SPMIP2: variants seen among roughly 807,000 people sequenced by gnomAD.
SPMIP2 encodes the protein protein SPMIP2.
At chr4:159,054,423 G>C in the SPMIP2 span, among the ~76,000 whole-genome samples, 1 of 152,016 alleles carries the variant, frequency 6.6e-6, no homozygotes, top group Non-Finnish European at 1.5e-5. Flanking sequence ...TAACTCCTAG[G>C]ATTTCTGAGA....
At chr4:158,993,499 T>A in the SPMIP2 span, among the ~76,000 whole-genome samples, 1 of 152,198 alleles carries the variant, frequency 6.6e-6, no homozygotes, top group African/African-American at 2.4e-5. Context: ...TAAATTTCTA[T>A]TTTCATGCTA....
At chr4:159,007,427 C>T in the SPMIP2 span, 3 of 671,050 alleles carry the variant, frequency 4.5e-6, no homozygotes, top group Non-Finnish European at 8.4e-6. Context: ...CCTGTTCCTG[C>T]TTGCCCTGGT....
At chr4:158,942,421 T>A in the SPMIP2 span, among the ~76,000 whole-genome samples, 1 of 152,170 alleles carries the variant, frequency 6.6e-6, no homozygotes, top group Non-Finnish European at 1.5e-5. Flanking sequence ...TTGCACTCAG[T>A]TGTTAAACTG....
At chr4:159,076,568 A>T in the SPMIP2 span, among the ~76,000 whole-genome samples, 1 of 152,278 alleles carries the variant, frequency 6.6e-6, no homozygotes, top group African/African-American at 2.4e-5. Context: ...ACAATTTAAA[A>T]TATAGGAAAA....
At chr4:159,055,524 C>T in the SPMIP2 span, among the ~76,000 whole-genome samples, 1 of 151,884 alleles carries the variant, frequency 6.6e-6, no homozygotes, top group Non-Finnish European at 1.5e-5. Context: ...CCTGGGCAAC[C>T]GGGCAAAACC....
chr4:159,018,005 G>A, the SPMIP2 span, among the ~76,000 whole-genome samples: 4 of 152,178 alleles, frequency 2.6e-5, no homozygotes, highest in South Asian at 2.1e-4. Flanking sequence ...AAACTTGTCC[G>A]CCAAGCTGGA....
chr4:159,072,872 A>G, the SPMIP2 span, among the ~76,000 whole-genome samples: 2 of 152,346 alleles, frequency 1.3e-5, no homozygotes, highest in African/African-American at 4.8e-5. Context: ...ATAACAAAAC[A>G]TGGTGAATTA....
the SPMIP2 span, among the ~76,000 whole-genome samples, chr4:158,899,450 G>A: frequency 6.6e-6 from 1 of 152,154 alleles, no homozygotes; most frequent in African/African-American, 2.4e-5. Context: ...GTACACTCTG[G>A]TAGAATTTGG....
the SPMIP2 span, among the ~76,000 whole-genome samples, chr4:159,033,748 G>C: frequency 1.0e-3 from 158 of 152,274 alleles, no homozygotes; most frequent in African/African-American, 3.6e-3. Flanking sequence ...AAGGGGAGTG[G>C]ATGAGATGGA....
chr4:159,036,426 A>G, the SPMIP2 span, among the ~76,000 whole-genome samples: 1 of 152,168 alleles, frequency 6.6e-6, no homozygotes, highest in Non-Finnish European at 1.5e-5. Flanking sequence ...AGCCTATGTC[A>G]GGTACTGAAT....
At chr4:158,901,660 C>T in the SPMIP2 span, among the ~76,000 whole-genome samples, 2 of 152,006 alleles carry the variant, frequency 1.3e-5, no homozygotes, top group Non-Finnish European at 2.9e-5. Flanking sequence ...CACATAGTCT[C>T]ATATTTCTTG....
At chr4:159,057,187 T>C in the SPMIP2 span, among the ~76,000 whole-genome samples, 3 of 152,224 alleles carry the variant, frequency 2.0e-5, no homozygotes, top group African/African-American at 4.8e-5. Context: ...ATCATTAAAA[T>C]GATCAGTTTT....
the SPMIP2 span, among the ~76,000 whole-genome samples, chr4:159,081,211 G>A: frequency 1.3e-5 from 2 of 151,468 alleles, no homozygotes; most frequent in Admixed American, 1.3e-4. Flanking sequence ...CTAATTTTTT[G>A]TATTTTTAGT....
the SPMIP2 span, among the ~76,000 whole-genome samples, chr4:159,063,745 A>G: frequency 6.6e-6 from 1 of 152,150 alleles, no homozygotes; most frequent in Non-Finnish European, 1.5e-5. Flanking sequence ...ATCACTATAT[A>G]TTATTAATGA....
chr4:159,069,544 C>T, the SPMIP2 span, among the ~76,000 whole-genome samples: 1 of 151,412 alleles, frequency 6.6e-6, no homozygotes, highest in Non-Finnish European at 1.5e-5. Context: ...AAGAAATCCT[C>T]CTACCTCAGC....
the SPMIP2 span, among the ~76,000 whole-genome samples, chr4:158,922,517 A>C: frequency 6.6e-6 from 1 of 152,364 alleles, no homozygotes; most frequent in East Asian, 1.9e-4. Context: ...CTGCTGATTA[A>C]ATAAATTGAT....
chr4:158,941,972 A>C, the SPMIP2 span, among the ~76,000 whole-genome samples: 2 of 152,154 alleles, frequency 1.3e-5, no homozygotes, highest in Admixed American at 1.3e-4. Flanking sequence ...AGCTGCAAAG[A>C]GTGACTTTGG....
chr4:159,003,886 T>C, the SPMIP2 span, among the ~76,000 whole-genome samples: 2 of 152,198 alleles, frequency 1.3e-5, no homozygotes, highest in Admixed American at 6.5e-5. Context: ...GCTCTGTGAA[T>C]GCTGATAGGG....
chr4:158,924,810 T>C, the SPMIP2 span, among the ~76,000 whole-genome samples: 4 of 152,230 alleles, frequency 2.6e-5, no homozygotes, highest in Admixed American at 1.3e-4. Context: ...ATGCCTGGCT[T>C]GACCATGTGG....
Sources: gnomAD v4.1 joint callset for allele counts (sites outside exome capture counted in the v4.1 genomes callset) on GRCh38, gnomAD v4.1.1 for gene constraint, MANE v1.5 for transcripts, NCBI Gene and HGNC (gene_info 2026-07-23, HGNC 2026-07-21) for gene names.